INPP4A: variants seen among roughly 807,000 people sequenced by gnomAD.
INPP4A encodes inositol polyphosphate-4-phosphatase, type I, 107kD.
A neutral mutation model predicts 119.8 loss-of-function variants in INPP4A; 33 were observed. The observed-to-expected ratio is 0.28, with a 90% CI of 0.21 to 0.37. The LOEUF (loss-of-function observed/expected upper bound fraction) is 0.37. Ranked by LOEUF, INPP4A falls within the 10% of genes least tolerant of loss-of-function variation. The probability of loss-of-function intolerance (pLI) is 1.00; values close to 1 mark genes in which losing one functional copy is unlikely to be tolerated. For missense variants in INPP4A, 956 were observed against 1,289.9 expected (o/e 0.74, Z 3.97); for synonymous variants, 496 against 500.7 (o/e 0.99, Z 0.12).
intron 10 of INPP4A, 100 bp from the exon 11 acceptor site, chr2:98,543,777 A>G: frequency 6.8e-7 from 1 of 1,460,748 alleles, no homozygotes; most frequent in Non-Finnish European, 9.3e-7. Context: ...GGCATCCATG[A>G]TACTTCCCCT....
Position 98,554,488 on chromosome 2 carries a change from G to A in INPP4A, c.1565G>A (p.Trp522Ter), listed in dbSNP as rs754812282. 1 of 1,612,176 alleles carries A rather than the reference G, an allele frequency of 6.2e-7. No homozygotes were observed. Among genetic ancestry groups the A allele is most frequent in the African/African-American group, 1.3e-5 (1 of 74,896 alleles). The change falls in exon 15 of 25, where the codon TGG becomes TAG. Residue 522 changes from tryptophan to a stop codon, truncating the protein, a stop_gained and splice_region_variant. Coordinates refer to ENST00000409851, the MANE Select transcript of INPP4A (RefSeq NM_001134225.2). LOFTEE classifies it high-confidence loss of function. This position sits in a 1 kb window ranked among gnomAD's most constrained non-coding sequence, Gnocchi z 4.7. ...SLQVDWHEEE[W>*]EKVWLNVDKS... ...CAGGTGGACTGGCACGAGGAGGAGT[G>A]GGTGAGTCTGCTGCTGTGGCTGTCA... is the stretch of plus-strand genomic sequence containing the variant.
intron 1 of INPP4A, among the ~76,000 whole-genome samples, chr2:98,483,864 T>C (rs1679000869): frequency 4.6e-5 from 7 of 152,164 alleles, no homozygotes. Context: ...GTCAGTCTAG[T>C]GAAGTCCGGT....
intron 4 of INPP4A, among the ~76,000 whole-genome samples, chr2:98,532,176 A>G (rs763252345): frequency 6.6e-5 from 10 of 152,142 alleles, no homozygotes; most frequent in Non-Finnish European, 1.2e-4. Flanking sequence ...ATGCCAAGGT[A>G]TTGCTCTCCC....
In INPP4A at chr2:98,592,114, C is replaced by T. The variant is rs747147493; in HGVS notation, c.*4506C>T. 1 of 152,296 alleles carries T rather than the reference C, an allele frequency of 6.6e-6. No individual in the cohort carries two copies. Among genetic ancestry groups the T allele is most frequent in the Non-Finnish European group, 1.5e-5 (1 of 68,084 alleles). The allele number at this position is 152,296 out of a possible 1,614,324, so 9.4% of individuals were successfully genotyped here. On this transcript the variant is annotated 3_prime_UTR_variant, in exon 25 of 25. Coordinates refer to ENST00000409851, the MANE Select transcript of INPP4A (RefSeq NM_001134225.2). The stretch of plus-strand genomic sequence containing the variant: ...GGCTCTTCCAAGACCAGCAGTTCCT[C>T]CTGGCAGGCAGGCCCTCACAGAACT...
At chr2:98,544,124 C>A in intron 11 of INPP4A, 117 bp downstream of exon 11, 1 of 908,990 alleles carries the variant, frequency 1.1e-6, no homozygotes, top group Admixed American at 2.7e-5. Context: ...AACACAGGGT[C>A]ACTTACACAT....
intron 1 of INPP4A, among the ~76,000 whole-genome samples, chr2:98,486,205 C>T (rs538666294): frequency 6.6e-6 from 1 of 152,290 alleles, no homozygotes; most frequent in South Asian, 2.1e-4. Context: ...TGGAGTCTCA[C>T]TCATTAATTG....
intron 1 of INPP4A, among the ~76,000 whole-genome samples, chr2:98,477,045 T>G (rs758719066): frequency 1.2e-4 from 19 of 152,188 alleles, no homozygotes; most frequent in Non-Finnish European, 2.4e-4. Context: ...GGCAAATACT[T>G]AAGTAGCATT....
intron 21 of INPP4A, among the ~76,000 whole-genome samples, chr2:98,567,640 A>T (rs1028372205): frequency 6.6e-6 from 1 of 152,210 alleles, no homozygotes; most frequent in African/African-American, 2.4e-5. Flanking sequence ...GGAGGATGCA[A>T]CACTGAGGAC....
chr2:98,509,389 T>A (rs1375214473), intron 1 of INPP4A, among the ~76,000 whole-genome samples: 2 of 152,216 alleles, frequency 1.3e-5, no homozygotes, highest in African/African-American at 4.8e-5. Context: ...GTGAGGGATC[T>A]GGGTTGCGTG....
In INPP4A at chr2:98,546,658, G is replaced by T; in HGVS notation, c.1127G>T (p.Arg376Leu). The stretch of plus-strand genomic sequence containing the variant: ...CAAGGTTTTAAGTCAGGAGGTCTCC[G>T]CAAAAAGCTGCACAAATTTGAAGAG... ...HCQGFKSGGL[R>L]KKLHKFEETK... The change falls in exon 13 of 25, where the codon CGC becomes CTC. Residue 376 changes from arginine (R) to leucine (L), a missense_variant. By Grantham distance (102) the Arg-to-Leu change is moderately radical. Coordinates refer to ENST00000409851, the MANE Select transcript of INPP4A (RefSeq NM_001134225.2). The surrounding 1 kb of genome is among the most constrained non-coding windows in gnomAD (Gnocchi z 4.2). 6.2e-7 allele frequency: 1 copy of T among 1,613,266 alleles called. No individual in the cohort carries two copies. Among genetic ancestry groups the T allele is most frequent in the African/African-American group, 1.3e-5 (1 of 75,064 alleles).
chr2:98,450,357 T>A (rs1290418774), intron 1 of INPP4A, among the ~76,000 whole-genome samples: 1 of 152,256 alleles, frequency 6.6e-6, no homozygotes, highest in Non-Finnish European at 1.5e-5. Context: ...TACCTGGATT[T>A]GCCAGTATCA....
chr2:98,573,725 G>T (rs1052709766), intron 23 of INPP4A, among the ~76,000 whole-genome samples: 23 of 152,168 alleles, frequency 1.5e-4, no homozygotes, highest in African/African-American at 5.3e-4. Context: ...TCTCAGCCCC[G>T]AGTCTCTTCT....
intron 17 of INPP4A, among the ~76,000 whole-genome samples, chr2:98,560,201 C>T (rs1695214815): frequency 6.6e-6 from 1 of 152,148 alleles, no homozygotes; most frequent in Non-Finnish European, 1.5e-5. Flanking sequence ...CATGAGTCCC[C>T]CAAATAATAT....
At chr2:98,529,695 C>T (rs988136952) in intron 4 of INPP4A, among the ~76,000 whole-genome samples, 2 of 152,054 alleles carry the variant, frequency 1.3e-5, no homozygotes, top group African/African-American at 2.4e-5. Context: ...GAGATCGCGC[C>T]ACTGCACTCC....
intron 1 of INPP4A, among the ~76,000 whole-genome samples, chr2:98,465,798 G>A (rs1558884055): frequency 6.6e-6 from 1 of 152,146 alleles, no homozygotes; most frequent in Non-Finnish European, 1.5e-5. Context: ...CTCTGGCTGA[G>A]CCCCTGTTCC....
chr2:98,472,768 T>C (rs1055407708), intron 1 of INPP4A, among the ~76,000 whole-genome samples: 2 of 152,220 alleles, frequency 1.3e-5, no homozygotes, highest in East Asian at 1.9e-4. Context: ...GAAGAGGGCA[T>C]TGGGGCCCAG....
chr2:98,531,933 T>C (rs1163053564), intron 4 of INPP4A, among the ~76,000 whole-genome samples: 4 of 152,194 alleles, frequency 2.6e-5, no homozygotes, highest in Non-Finnish European at 5.9e-5. Context: ...TATAGCTGCA[T>C]GAATAGCAAC....
At chr2:98,565,368 C>T (rs954077508) in intron 19 of INPP4A, among the ~76,000 whole-genome samples, 2 of 152,218 alleles carry the variant, frequency 1.3e-5, no homozygotes, top group East Asian at 3.8e-4. Context: ...GTTTCCCTCC[C>T]TACTATCTGG....
chr2:98,473,278 T>C (rs1166011143), intron 1 of INPP4A, among the ~76,000 whole-genome samples: 2 of 141,424 alleles, frequency 1.4e-5, no homozygotes, highest in African/African-American at 2.7e-5. Flanking sequence ...GCGGGTAGTG[T>C]GGGTGGAGTG....
Sources: gnomAD v4.1 joint callset for allele counts (sites outside exome capture counted in the v4.1 genomes callset) on GRCh38, gnomAD v4.1.1 for gene constraint, Gnocchi (gnomAD v3.1) non-coding constraint, MANE v1.5 for transcripts, NCBI Gene and HGNC (gene_info 2026-07-23, HGNC 2026-07-21) for gene names.